PRH1: variants seen among roughly 807,000 people sequenced by gnomAD.
PRH1 encodes proline rich protein HaeIII subfamily 1.
In PRH1, 7 loss-of-function variants were observed where a neutral mutation model predicts 7.9. That is an observed-to-expected ratio of 0.89 (90% CI 0.50 to 1.67). The LOEUF is 1.67. Among genes scored for constraint, PRH1 ranks in the 40% most tolerant of loss-of-function variants. The pLI, the probability that PRH1 is intolerant of heterozygous loss-of-function variation, is 0.00. For missense variants in PRH1, 109 were observed against 223.6 expected (o/e 0.49, Z 3.27); for synonymous variants, 45 against 80.8 (o/e 0.56, Z 2.38).
chr12:11,067,366 T>A (rs1434605065), intron 1 of PRH1, among the ~76,000 whole-genome samples: 3 of 152,186 alleles, frequency 2.0e-5, no homozygotes, highest in Non-Finnish European at 4.4e-5. Flanking sequence ...ATATTTAACC[T>A]CCATCATACT....
At chr12:10,976,824 C>T (rs916684764) in intron 1 of PRH1, among the ~76,000 whole-genome samples, 2 of 151,966 alleles carry the variant, frequency 1.3e-5, no homozygotes, top group Admixed American at 6.6e-5. Flanking sequence ...AGAAGAAATG[C>T]ATAAATTCCC....
At chr12:11,067,412 T>C (rs142495150) in intron 1 of PRH1, among the ~76,000 whole-genome samples, 1,321 of 149,860 alleles carry the variant, frequency 8.8e-3, no homozygotes, top group Middle Eastern at 0.017. Flanking sequence ...TGTGACACTT[T>C]GACATGTGTA....
intron 2 of PRH1, among the ~76,000 whole-genome samples, chr12:10,967,545 C>T (rs1466077661): frequency 4.6e-5 from 7 of 152,196 alleles, no homozygotes. Context: ...ACACTTGGGT[C>T]ACACAATACA....
At chr12:11,062,293 A>T in intron 1 of PRH1, 1 of 1,599,432 alleles carries the variant, frequency 6.3e-7, no homozygotes, top group Non-Finnish European at 8.5e-7. Context: ...AAAAGTTATC[A>T]TGTCTGAACA....
intron 2 of PRH1, chr12:10,930,402 G>A: frequency 2.4e-5 from 36 of 1,517,066 alleles, no homozygotes; most frequent in Non-Finnish European, 3.1e-5. Context: ...TCAGGAATTG[G>A]CTAATATCAG....
intron 2 of PRH1, among the ~76,000 whole-genome samples, chr12:10,893,991 A>C (rs563721054): frequency 1.3e-3 from 197 of 152,222 alleles, no homozygotes; most frequent in Non-Finnish European, 2.5e-3. Context: ...TCAATTCTGT[A>C]AACTGATTGG....
chr12:11,119,416 A>G (rs867934583), downstream of PRH1, among the ~76,000 whole-genome samples: 1 of 152,146 alleles, frequency 6.6e-6, no homozygotes, highest in African/African-American at 2.4e-5. Context: ...TAACGTAACT[A>G]AAAGAGTATA....
chr12:10,997,956 A>C, intron 1 of PRH1: 1 of 807,458 alleles, frequency 1.2e-6, no homozygotes, highest in East Asian at 2.6e-5. Context: ...CTTTAAGTTA[A>C]ATATGCACTT....
At chr12:11,040,986 A>T (rs1942683730) in intron 1 of PRH1, among the ~76,000 whole-genome samples, 1 of 152,166 alleles carries the variant, frequency 6.6e-6, no homozygotes, top group Non-Finnish European at 1.5e-5. Context: ...AAACTATATC[A>T]TATCACCAGA....
intron 1 of PRH1, among the ~76,000 whole-genome samples, chr12:11,135,519 GA>G (rs1482568246): frequency 6.0e-5 from 3 of 49,860 alleles, no homozygotes; most frequent in Admixed American, 6.0e-4. Flanking sequence ...AACCCATTTA[GA>G]AAAACAAAAT....
In PRH1 at chr12:10,939,006, C is replaced by T; in HGVS notation, c.-59+34649G>A. 1.9e-6 allele frequency: 3 copies of T among 1,613,656 alleles called. No individual in the cohort carries two copies. The South Asian group carries it at 3.3e-5, about 18-fold the overall frequency. On this transcript the variant is annotated intron_variant, in intron 2 of 3. Transcript: ENST00000539853. ...AATAAAGCTGGGAAAAACACAGACA[C>T]ACACCAGCTTCCGAATATTAACCAA...
upstream of PRH1, among the ~76,000 whole-genome samples, chr12:10,888,254 A>G (rs1949522702): frequency 6.6e-6 from 1 of 152,164 alleles, no homozygotes; most frequent in Admixed American, 6.5e-5. Flanking sequence ...ATTCAGGTCA[A>G]TTGATTCGCA....
At chr12:11,058,351 A>G (rs1055331659) in intron 1 of PRH1, among the ~76,000 whole-genome samples, 3 of 152,236 alleles carry the variant, frequency 2.0e-5, no homozygotes, top group African/African-American at 7.2e-5. Flanking sequence ...AGATATGTGA[A>G]GATTCAGGGA....
chr12:11,052,199 C>T (rs897316855), intron 1 of PRH1, among the ~76,000 whole-genome samples: 8 of 151,936 alleles, frequency 5.3e-5, no homozygotes, highest in African/African-American at 1.9e-4. Flanking sequence ...GAATTACACA[C>T]TTATTTTTCG....
chr12:11,048,163 T>C (rs993171916), upstream of PRH1, among the ~76,000 whole-genome samples: 2 of 115,378 alleles, frequency 1.7e-5, no homozygotes, highest in African/African-American at 5.8e-5. Flanking sequence ...TGTGTGTGTA[T>C]AGATAGATAG....
At chr12:11,068,928 G>GAC (rs1239785042) in intron 1 of PRH1, among the ~76,000 whole-genome samples, 2 of 151,826 alleles carry the variant, frequency 1.3e-5, no homozygotes, top group East Asian at 1.9e-4. Flanking sequence ...CATTTTTTGA[G>GAC]ACATGGTCTC....
At chr12:10,940,719 T>C (rs1950385882) in intron 2 of PRH1, among the ~76,000 whole-genome samples, 1 of 152,158 alleles carries the variant, frequency 6.6e-6, no homozygotes. Context: ...TCATTCTTCT[T>C]CAATAGCTAA....
At chr12:10,892,920 G>A (rs868130243) in intron 2 of PRH1, among the ~76,000 whole-genome samples, 1 of 152,210 alleles carries the variant, frequency 6.6e-6, no homozygotes, top group Non-Finnish European at 1.5e-5. Context: ...TTGTAAGCAA[G>A]TGTGAACTGG....
chr12:11,019,775 T>C (rs977103065), intron 1 of PRH1, among the ~76,000 whole-genome samples: 5 of 152,404 alleles, frequency 3.3e-5, no homozygotes, highest in Middle Eastern at 3.4e-3. Flanking sequence ...CAGCAAAGCA[T>C]TGAAGGCAGC....
Sources: allele counts gnomAD v4.1 joint callset (sites outside exome capture counted in the v4.1 genomes callset), GRCh38; gene constraint gnomAD v4.1.1; transcripts MANE v1.5; gene names NCBI Gene and HGNC (gene_info 2026-07-23, HGNC 2026-07-21).